Variants in METTL16 observed in about 807,000 individuals in gnomAD.
The protein encoded by METTL16 is RNA N(6)-adenosine-methyltransferase METTL16.
Under a neutral mutation model 57.9 loss-of-function variants are expected in METTL16, and 19 were observed. The ratio of observed to expected loss-of-function variants is 0.33; its 90% CI spans 0.23 to 0.48. The LOEUF is 0.48. Ranked by LOEUF, METTL16 falls within the 20% of genes least tolerant of loss-of-function variation. The pLI is 0.99. For missense variants in METTL16, 434 were observed against 691.5 expected (o/e 0.63, Z 4.18); for synonymous variants, 246 against 255.6 (o/e 0.96, Z 0.36).
intron 6 of METTL16, among the ~76,000 whole-genome samples, chr17:2,462,540 C>T (rs1370939847): frequency 6.6e-6 from 1 of 152,178 alleles, no homozygotes; most frequent in Non-Finnish European, 1.5e-5. Context: ...TGGGAGGTGA[C>T]TGGATCCTGA....
chr17:2,451,447 G>C (rs1391169713), intron 6 of METTL16, among the ~76,000 whole-genome samples: 2 of 151,944 alleles, frequency 1.3e-5, no homozygotes, highest in Non-Finnish European at 2.9e-5. Flanking sequence ...GGGAAACCCT[G>C]TCTCTATTAA....
chr17:2,416,397 T>C lies in METTL16; in HGVS notation c.*3573A>G, dbSNP rs2066715695. On this transcript the variant is annotated 3_prime_UTR_variant, in exon 10 of 10. Coordinates refer to ENST00000263092, the MANE Select transcript of METTL16 (RefSeq NM_024086.4). The stretch of plus-strand genomic sequence containing the variant: ...TCCTGTCACAACTTAGAAGTTCGAG[T>C]GCTCACATGGTAAGCTTTGATTTCC... The C allele has an allele frequency of 6.6e-6, 1 of 152,228 alleles. No homozygotes were observed. Among genetic ancestry groups the C allele is most frequent in the African/African-American group, 2.4e-5 (1 of 41,454 alleles). The allele number at this position is 152,228 out of a possible 1,614,324, so 9.4% of individuals were successfully genotyped here.
intron 2 of METTL16, among the ~76,000 whole-genome samples, chr17:2,492,675 A>C (rs1184583446): frequency 1.3e-5 from 2 of 152,124 alleles, no homozygotes; most frequent in South Asian, 2.1e-4. Context: ...GTGGATCAAG[A>C]GGTCAGGAGT....
In METTL16 at chr17:2,464,438, A is replaced by C. The variant is rs549694430; in HGVS notation, c.586-88T>G. ...AATCTATCTCTAAGTTAGAATGTTT[A>C]GTTGCAATTTTTACTTTCCAAATAG... is the stretch of plus-strand genomic sequence containing the variant. On this transcript the variant is annotated intron_variant, in intron 5 of 9. Coordinates refer to ENST00000263092, the MANE Select transcript of METTL16 (RefSeq NM_024086.4). The C allele has an allele frequency of 1.9e-3, 2,529 of 1,303,752 alleles. 5 individuals are homozygous for C. The highest frequency in any genetic ancestry group is 3.1e-3 in the Middle Eastern group (16 of 5,084). 80.8% of individuals were successfully genotyped at this position (1,303,752 alleles called of 1,614,324 possible). A position where few individuals can be genotyped will look rare whatever the true frequency, so the allele number is the denominator to read the frequency against.
chr17:2,438,277 T>A, intron 7 of METTL16, 79 bp from the exon 8 acceptor site: 1 of 1,012,912 alleles, frequency 9.9e-7, no homozygotes, highest in Non-Finnish European at 1.6e-6. Flanking sequence ...TCATGCCATA[T>A]TATGTTGATC....
intron 1 of METTL16, among the ~76,000 whole-genome samples, chr17:2,507,110 C>T (rs1233950843): frequency 3.5e-5 from 5 of 143,044 alleles, no homozygotes; most frequent in African/African-American, 1.3e-4. Context: ...CCGCCCCGTC[C>T]AGGAGGTGAG....
chr17:2,509,505 G>A (rs1433263049), intron 1 of METTL16, among the ~76,000 whole-genome samples: 3 of 152,086 alleles, frequency 2.0e-5, no homozygotes, highest in Non-Finnish European at 2.9e-5. Context: ...TTGAGCCCAG[G>A]AGTTCCAGTC....
intron 2 of METTL16, among the ~76,000 whole-genome samples, chr17:2,488,048 C>T (rs561029103): frequency 6.6e-5 from 10 of 151,688 alleles, no homozygotes; most frequent in African/African-American, 2.4e-4. Context: ...TCATGCAGTA[C>T]ACCTTAAATA....
At chr17:2,446,606 C>T (rs2066997452) in intron 6 of METTL16, among the ~76,000 whole-genome samples, 1 of 151,846 alleles carries the variant, frequency 6.6e-6, no homozygotes, top group Admixed American at 6.6e-5. Context: ...CCCTCTCCCT[C>T]TCCCTCTCCC....
In METTL16 at chr17:2,418,190, A is replaced by C. The variant is rs1307285737; in HGVS notation, c.*1780T>G. On this transcript the variant is annotated 3_prime_UTR_variant, in exon 10 of 10. Coordinates refer to ENST00000263092, the MANE Select transcript of METTL16 (RefSeq NM_024086.4). ...GGTTCTGGGAACCCTCTCTCCAGGA[A>C]AAAAAATACACACACACACACACAC... 1 of 84,396 alleles carries C rather than the reference A, an allele frequency of 1.2e-5. No individual in the cohort carries two copies. Among genetic ancestry groups the C allele is most frequent in the Non-Finnish European group, 2.1e-5 (1 of 47,846 alleles). The allele number at this position is 84,396 out of a possible 1,614,324, so 5.2% of individuals were successfully genotyped here.
At chr17:2,433,469 G>A (rs559845784) in intron 8 of METTL16, among the ~76,000 whole-genome samples, 2 of 152,286 alleles carry the variant, frequency 1.3e-5, no homozygotes, top group South Asian at 4.1e-4. Context: ...GAAACTGCTA[G>A]GATGGTCCAT....
At chr17:2,430,540 T>A (rs965390600) in intron 8 of METTL16, among the ~76,000 whole-genome samples, 1 of 148,206 alleles carries the variant, frequency 6.7e-6, no homozygotes, top group African/African-American at 2.5e-5. Context: ...CTCAGCCTCC[T>A]GAGTAGCTGG....
At chr17:2,505,767 T>C (rs888858385) in intron 1 of METTL16, among the ~76,000 whole-genome samples, 7 of 152,054 alleles carry the variant, frequency 4.6e-5, no homozygotes, top group Non-Finnish European at 1.0e-4. Flanking sequence ...GTAGTGATCA[T>C]TTCCAAACAC....
chr17:2,432,049 G>A (rs1029845555), intron 8 of METTL16, among the ~76,000 whole-genome samples: 4 of 151,940 alleles, frequency 2.6e-5, no homozygotes, highest in Non-Finnish European at 5.9e-5. Flanking sequence ...GGTTCACGCC[G>A]TTCTCCAGCC....
chr17:2,442,721 A>C (rs544882875), intron 6 of METTL16, among the ~76,000 whole-genome samples: 58 of 152,346 alleles, frequency 3.8e-4, no homozygotes, highest in Non-Finnish European at 6.5e-4. Flanking sequence ...AAGGGTGTGA[A>C]GAGGTATAGA....
chr17:2,505,401 T>G (rs1193008573), intron 1 of METTL16, among the ~76,000 whole-genome samples: 1 of 8,628 alleles, frequency 1.2e-4, no homozygotes, highest in Non-Finnish European at 4.3e-4. Context: ...AGGCATTTTT[T>G]TTTTTTTTTT....
At chr17:2,434,650 T>C (rs2066896949) in intron 8 of METTL16, among the ~76,000 whole-genome samples, 1 of 152,196 alleles carries the variant, frequency 6.6e-6, no homozygotes, top group African/African-American at 2.4e-5. Flanking sequence ...GGCACCTACC[T>C]GGCATCCCTC....
At chr17:2,455,366 C>T (rs965101843) in intron 6 of METTL16, among the ~76,000 whole-genome samples, 1 of 152,168 alleles carries the variant, frequency 6.6e-6, no homozygotes, top group African/African-American at 2.4e-5. Context: ...GGATTACAGG[C>T]GTGAGCCACC....
chr17:2,448,810 A>AT (rs1357687373), intron 6 of METTL16, among the ~76,000 whole-genome samples: 7,098 of 137,776 alleles, frequency 0.052, 838 homozygotes, highest in African/African-American at 0.19. Flanking sequence ...TTTAAAAAAA[A>AT]AAAAAAAAAA....
Sources: allele counts gnomAD v4.1 joint callset (sites outside exome capture counted in the v4.1 genomes callset), GRCh38; gene constraint gnomAD v4.1.1; transcripts MANE v1.5; gene names NCBI Gene and HGNC (gene_info 2026-07-23, HGNC 2026-07-21).